RAB38: variants seen among roughly 807,000 people sequenced by gnomAD.
RAB38 encodes RAB38, member RAS oncogene family.
RAB38 carries 15 observed loss-of-function variants against 18.4 expected under a neutral mutation model. The observed-to-expected ratio is 0.82, with a 90% confidence interval of 0.55 to 1.26. The LOEUF is 1.26. Ranked by LOEUF, RAB38 falls within the 50% of genes most tolerant of loss-of-function variation. The probability of loss-of-function intolerance (pLI) is 0.00; values close to 1 mark genes in which losing one functional copy is unlikely to be tolerated. For synonymous variants in RAB38, 101 were observed against 104.4 expected (o/e 0.97, Z 0.20); for missense variants, 294 against 267.4 (o/e 1.10, Z -0.69).
At chr11:87,896,297 G>T in the RAB38 span, among the ~76,000 whole-genome samples, 1 of 151,706 alleles carries the variant, frequency 6.6e-6, no homozygotes, top group African/African-American at 2.4e-5. Flanking sequence ...CCAGCCATCT[G>T]TGGTAAGAAT....
the RAB38 span, among the ~76,000 whole-genome samples, chr11:88,092,179 G>A: frequency 6.6e-6 from 1 of 151,568 alleles, no homozygotes; most frequent in East Asian, 2.0e-4. Flanking sequence ...TCCTGTTTTG[G>A]TCAGCAGAGT....
the RAB38 span, among the ~76,000 whole-genome samples, chr11:88,065,981 A>T: frequency 1.3e-5 from 2 of 152,204 alleles, no homozygotes; most frequent in Non-Finnish European, 2.9e-5. Flanking sequence ...CTCCTGCCTC[A>T]TTTAAGGCAG....
At chr11:88,093,753 C>A in the RAB38 span, among the ~76,000 whole-genome samples, 5 of 151,988 alleles carry the variant, frequency 3.3e-5, no homozygotes, top group Middle Eastern at 3.4e-3. Flanking sequence ...TGGCTTCAAT[C>A]CATCTTTCAG....
chr11:88,043,319 C>T, the RAB38 span, among the ~76,000 whole-genome samples: 2 of 151,968 alleles, frequency 1.3e-5, no homozygotes, highest in Non-Finnish European at 2.9e-5. Flanking sequence ...GCTAAGTCAG[C>T]GTTCCTGGAG....
chr11:87,964,421 C>G, the RAB38 span, among the ~76,000 whole-genome samples: 1 of 152,064 alleles, frequency 6.6e-6, no homozygotes. Context: ...CTCTTGAGGC[C>G]TAGGCTTGAA....
intron 2 of RAB38, among the ~76,000 whole-genome samples, chr11:88,128,694 C>A (rs1442611930): frequency 6.6e-6 from 1 of 152,214 alleles, no homozygotes; most frequent in Non-Finnish European, 1.5e-5. Context: ...AGAGAAAAGG[C>A]TTCCTACCCT....
intron 2 of RAB38, among the ~76,000 whole-genome samples, chr11:88,131,095 A>T (rs189255012): frequency 5.0e-4 from 76 of 152,330 alleles, no homozygotes; most frequent in African/African-American, 1.8e-3. Context: ...ATTATTTAAA[A>T]TAGTAAAAAC....
the RAB38 span, among the ~76,000 whole-genome samples, chr11:87,841,386 T>C: frequency 6.6e-6 from 1 of 152,162 alleles, no homozygotes; most frequent in African/African-American, 2.4e-5. Context: ...GAAGGACATG[T>C]TTGCTTCCCC....
chr11:87,935,939 A>G, the RAB38 span, among the ~76,000 whole-genome samples: 2 of 152,058 alleles, frequency 1.3e-5, no homozygotes, highest in East Asian at 3.9e-4. Context: ...CTTATTTGCT[A>G]TCTGTATCTT....
At chr11:87,955,155 A>G in the RAB38 span, among the ~76,000 whole-genome samples, 1 of 152,042 alleles carries the variant, frequency 6.6e-6, no homozygotes, top group Non-Finnish European at 1.5e-5. Context: ...CATGAAAGCC[A>G]CATTGGCACA....
At chr11:87,808,631 G>C in the RAB38 span, among the ~76,000 whole-genome samples, 1 of 152,218 alleles carries the variant, frequency 6.6e-6, no homozygotes, top group African/African-American at 2.4e-5. Flanking sequence ...ATCTGAGGTA[G>C]AACACGGTGT....
downstream of RAB38, among the ~76,000 whole-genome samples, chr11:88,108,737 T>C (rs1565205959): frequency 6.6e-6 from 1 of 152,222 alleles, no homozygotes; most frequent in Non-Finnish European, 1.5e-5. Flanking sequence ...CTTCATAGTG[T>C]CGATGGTCTT....
chr11:88,017,607 A>C, the RAB38 span, among the ~76,000 whole-genome samples: 44 of 150,754 alleles, frequency 2.9e-4, 1 homozygote, highest in Non-Finnish European at 4.4e-4. Flanking sequence ...ACTCCCTTGA[A>C]ATCTGCATTT....
chr11:88,059,706 C>G, the RAB38 span, among the ~76,000 whole-genome samples: 1 of 152,304 alleles, frequency 6.6e-6, no homozygotes, highest in Admixed American at 6.5e-5. Flanking sequence ...GATGAGATCC[C>G]TCCTTGCATG....
the RAB38 span, among the ~76,000 whole-genome samples, chr11:87,846,374 A>G: frequency 1.3e-5 from 2 of 152,132 alleles, no homozygotes; most frequent in East Asian, 1.9e-4. Context: ...AAAGACACAA[A>G]TAAGTTTAAA....
the RAB38 span, among the ~76,000 whole-genome samples, chr11:87,927,383 T>A: frequency 6.6e-6 from 1 of 152,002 alleles, no homozygotes; most frequent in South Asian, 2.1e-4. Context: ...TTTTCAGGAG[T>A]ACCCATAATA....
At chr11:87,806,827 A>G in the RAB38 span, among the ~76,000 whole-genome samples, 91 of 152,358 alleles carry the variant, frequency 6.0e-4, no homozygotes, top group African/African-American at 2.1e-3. Flanking sequence ...ATGTACTGCT[A>G]ACAATGAAAT....
the RAB38 span, among the ~76,000 whole-genome samples, chr11:88,036,653 T>A: frequency 6.6e-6 from 1 of 152,062 alleles, no homozygotes; most frequent in Non-Finnish European, 1.5e-5. Flanking sequence ...AAATATGTTA[T>A]CAATCAACAT....
chr11:87,860,516 A>G, the RAB38 span, among the ~76,000 whole-genome samples: 2 of 151,980 alleles, frequency 1.3e-5, no homozygotes, highest in African/African-American at 4.8e-5. Flanking sequence ...TGAGATATTT[A>G]CTTTCATTGC....
Sources: gnomAD v4.1 joint callset for allele counts (sites outside exome capture counted in the v4.1 genomes callset) on GRCh38, gnomAD v4.1.1 for gene constraint, MANE v1.5 for transcripts, NCBI Gene and HGNC (gene_info 2026-07-23, HGNC 2026-07-21) for gene names.